Variants in SNED1 observed in about 807,000 individuals in gnomAD.
SNED1 encodes the protein sushi, nidogen and EGF like domains 1.
SNED1 carries 81 observed loss-of-function variants against 166.7 expected under a neutral mutation model. The ratio of observed to expected loss-of-function variants is 0.49; its 90% CI spans 0.41 to 0.58. The LOEUF is 0.58. Among genes scored for constraint, SNED1 ranks in the 20% least tolerant of loss-of-function variants. The pLI is 0.00. For synonymous variants in SNED1, 762 were observed against 822.0 expected, an observed-to-expected ratio of 0.93 and a Z score of 1.25; for missense variants, 1,604 against 2,000.2, an observed-to-expected ratio of 0.80 and a Z score of 3.78.
Position 241,048,732 on chromosome 2 carries a change from C to T in SNED1, c.1470C>T (p.Cys490=). Residue 490 remains cysteine (C), a synonymous_variant, in exon 10 of 32, where the codon TGC becomes TGT. Coordinates refer to ENST00000310397, the MANE Select transcript of SNED1 (RefSeq NM_001080437.3). ...CLGANTTLCQ[C]PLGFFGLLCE... Reference sequence around the variant, plus strand: ...GCGCCAACACCACCCTCTGCCAGTGCCCCCTGGGATTCTTTGGGCTTCTCT... The same window carrying T: ...GCGCCAACACCACCCTCTGCCAGTGTCCCCTGGGATTCTTTGGGCTTCTCT... 6.2e-7 allele frequency: 1 copy of T among 1,612,550 alleles called. No homozygotes were observed. The highest frequency in any genetic ancestry group is 8.5e-7 in the Non-Finnish European group (1 of 1,179,414).
intron 4 of SNED1, 129 bp from the exon 5 acceptor site, chr2:241,036,661 T>G (rs1481959460): frequency 4.1e-6 from 5 of 1,228,640 alleles, no homozygotes; most frequent in African/African-American, 1.5e-5. Flanking sequence ...GCTGCTTTGC[T>G]GCGGTCACCC....
intron 3 of SNED1, 91 bp from the exon 4 acceptor site, chr2:241,034,449 GTCAGGACCTGGCTGGGAGGTTGCCGACC>G: frequency 1.0e-6 from 1 of 967,618 alleles, no homozygotes. Flanking sequence ...GTTGGCTGAG[GTCAGGACCTGGCTGGGAGGTTGCCGACC>G]CTGGCAGGAA....
intron 8 of SNED1, among the ~76,000 whole-genome samples, chr2:241,048,079 A>G (rs1335468821): frequency 6.7e-6 from 1 of 150,242 alleles, no homozygotes; most frequent in South Asian, 2.1e-4. Flanking sequence ...GTTCTGTCCA[A>G]TCCTGGGTGG....
At chr2:241,048,964 T>TC in intron 10 of SNED1, 58 bp from the exon 11 acceptor site, 1 of 1,470,294 alleles carries the variant, frequency 6.8e-7, no homozygotes, top group Non-Finnish European at 9.3e-7. Context: ...TGACAAGGAC[T>TC]CGAGGTCTGC....
At position 241,078,254 on chromosome 2, in the gene SNED1, G is replaced by A. The variant is rs567015390; in HGVS notation, c.3917-3423G>A. ...AAAAATTAGCTGGGCGTGGTGGCGG[G>A]CGCCTGTAGTCCCAGCTCCTCAGGA... On this transcript the variant is annotated intron_variant, in intron 27 of 31. Coordinates refer to ENST00000310397, the MANE Select transcript of SNED1 (RefSeq NM_001080437.3). 7.1e-4 allele frequency among the ~76,000 whole-genome samples: 108 copies of A among 151,696 alleles called. 2 individuals carry two copies. In the East Asian group the frequency reaches 0.015, roughly 21 times the overall value.
rs747816495 is a variant in SNED1, at chr2:241,053,204, A to G, written c.2135A>G (p.Asn712Ser). 2.5e-6 allele frequency: 4 copies of G among 1,610,490 alleles called. No homozygotes were observed. Among genetic ancestry groups the G allele is most frequent in the Middle Eastern group, 1.7e-4 (1 of 6,022 alleles). ...EEVKHATLRFNGTRLGAVALY... is the reference protein window; with the variant it reads ...EEVKHATLRFSGTRLGAVALY... ...GTGAAGCACGCCACACTGCGCTTCA[A>G]CGGCACGCGGCTGGGCGCGGTGGCC... is the stretch of plus-strand genomic sequence containing the variant. Residue 712 changes from asparagine (N) to serine (S), a missense_variant, in exon 16 of 32, where the codon AAC (asparagine) becomes AGC (serine). By Grantham distance (46) the Asn-to-Ser change is conservative. Around this residue, in one of 2 missense-constraint regions of SNED1, gnomAD observed 1,237 missense variants for 1,620.8 expected, o/e 0.76. Coordinates refer to ENST00000310397, the MANE Select transcript of SNED1 (RefSeq NM_001080437.3).
chr2:241,059,688 T>C (rs2125157125), intron 16 of SNED1, among the ~76,000 whole-genome samples: 1 of 152,362 alleles, frequency 6.6e-6, no homozygotes, highest in South Asian at 2.1e-4. Flanking sequence ...ACTATATATC[T>C]CAATAGATGC....
In SNED1 at chr2:241,075,930, T is replaced by C. The variant is rs2062999565; in HGVS notation, c.3916+2566T>C. 6.6e-6 allele frequency among the ~76,000 whole-genome samples: 1 copy of C among 152,232 alleles called. No homozygotes were observed. The highest frequency in any genetic ancestry group is 1.5e-5 in the Non-Finnish European group (1 of 68,036). On this transcript the variant is annotated intron_variant, in intron 27 of 31. Coordinates refer to ENST00000310397, the MANE Select transcript of SNED1 (RefSeq NM_001080437.3). The surrounding 1 kb of genome is among the most constrained non-coding windows in gnomAD (Gnocchi z 4.8). ...GTAAACTGGATTTTTCATCTCTTCA[T>C]GCTAAAAAGTCCCTTTTTCCCCCAC...
chr2:241,020,325 T>C (rs1332689524), intron 1 of SNED1, among the ~76,000 whole-genome samples: 3 of 152,248 alleles, frequency 2.0e-5, no homozygotes, highest in Admixed American at 6.5e-5. Context: ...GGTCTTCTGC[T>C]GTCTCCCAGA....
chr2:241,053,660 C>T (rs1255788600), intron 16 of SNED1, among the ~76,000 whole-genome samples: 4 of 152,206 alleles, frequency 2.6e-5, no homozygotes, highest in Admixed American at 6.5e-5. Context: ...GAGCCAGATA[C>T]GGATTCAGGA....
intron 9 of SNED1, 98 bp from the exon 10 acceptor site, chr2:241,048,564 T>G: frequency 6.7e-7 from 1 of 1,497,422 alleles, no homozygotes; most frequent in Non-Finnish European, 9.1e-7. Flanking sequence ...CCACTGCAAT[T>G]TGTATGGGAA....
intron 16 of SNED1, among the ~76,000 whole-genome samples, chr2:241,056,426 A>G (rs781384206): frequency 6.6e-6 from 1 of 151,966 alleles, no homozygotes; most frequent in Non-Finnish European, 1.5e-5. Context: ...GAAATGAATA[A>G]ATTGGATAGG....
chr2:241,070,067 C>T lies in SNED1; in HGVS notation c.3455C>T (p.Pro1152Leu). 4 of 1,613,112 alleles carry T rather than the reference C, an allele frequency of 2.5e-6. No individual in the cohort carries two copies. The highest frequency in any genetic ancestry group is 3.4e-6 in the Non-Finnish European group (4 of 1,179,890). ...CAGAGCACCAAGAGCCGCTATGTCC[C>T]CAACGGGAAGCTGGCGTCCTACACG... ...TSQSTKSRYV[P>L]NGKLASYTVR... Residue 1152 changes from proline to leucine, a missense_variant, in exon 24 of 32, where the codon CCC (proline) becomes CTC (leucine). Transcript: ENST00000310397.
At chr2:241,010,768 C>T (rs2060367154) in intron 1 of SNED1, 1 of 152,642 alleles carries the variant, frequency 6.6e-6, no homozygotes, top group Non-Finnish European at 1.5e-5. Flanking sequence ...GAGCCCCTCC[C>T]AGGACCTTTG....
In SNED1 at chr2:240,998,667, A is replaced by G. The variant is rs1177638012; in HGVS notation, c.-171A>G. 6.7e-6 allele frequency among the ~76,000 whole-genome samples: 1 copy of G among 149,966 alleles called. No homozygotes were observed. The highest frequency in any genetic ancestry group is 2.1e-4 in the South Asian group (1 of 4,810). On this transcript the variant is annotated 5_prime_UTR_variant, in exon 1 of 32. Coordinates refer to ENST00000310397, the MANE Select transcript of SNED1 (RefSeq NM_001080437.3). ...CGCTTTCCTCTGCGGAGCTGCGGCG[A>G]GAGCGCGGCCCGGCCGAACGGGCGC...
In SNED1 at chr2:241,034,725, A is replaced by G; in HGVS notation, c.800A>G (p.His267Arg). ...DAQVRVGGCG[H>R]TTSVCLALRP... The stretch of plus-strand genomic sequence containing the variant: ...CAGGTGCGCGTGGGGGGCTGCGGCC[A>G]TACAAGTAAGAGGACAGAGGAGCAG... Residue 267 changes from histidine to arginine, a missense_variant, in exon 4 of 32, where the codon CAT becomes CGT. By Grantham distance (29) the His-to-Arg change is conservative. Transcript: ENST00000310397. The G allele has an allele frequency of 1.9e-6, 3 of 1,562,564 alleles. No individual in the cohort carries two copies. Among genetic ancestry groups the G allele is most frequent in the Non-Finnish European group, 2.6e-6 (3 of 1,153,766 alleles).
intron 6 of SNED1, among the ~76,000 whole-genome samples, chr2:241,038,603 C>T (rs1490346107): frequency 2.0e-5 from 3 of 152,268 alleles, no homozygotes; most frequent in South Asian, 2.1e-4. Flanking sequence ...CAGCCAGTGT[C>T]GGAGCAAGCT....
chr2:241,026,421 C>A (rs2060972302), intron 1 of SNED1, among the ~76,000 whole-genome samples: 1 of 152,176 alleles, frequency 6.6e-6, no homozygotes, highest in Non-Finnish European at 1.5e-5. Flanking sequence ...TGTCTCCTTT[C>A]CTTCTGGTGC....
chr2:241,011,002 C>T (rs898039950), intron 1 of SNED1, among the ~76,000 whole-genome samples: 22 of 151,976 alleles, frequency 1.4e-4, no homozygotes, highest in African/African-American at 5.1e-4. Flanking sequence ...CAGGGCCTGC[C>T]GCAGCATCTC....
Sources: allele counts gnomAD v4.1 joint callset (sites outside exome capture counted in the v4.1 genomes callset), GRCh38; gene constraint gnomAD v4.1.1; regional missense constraint gnomAD v4.1.1; non-coding constraint Gnocchi (gnomAD v3.1); transcripts MANE v1.5; gene names NCBI Gene and HGNC (gene_info 2026-07-23, HGNC 2026-07-21).